The following RP1 variants were observed in gnomAD, a reference collection of about 807,000 sequenced individuals.
RP1 encodes RP1 axonemal microtubule associated.
RP1 carries 16 observed loss-of-function variants against 14.8 expected under a neutral mutation model. That is an observed-to-expected ratio of 1.08 (90% CI 0.73 to 1.65). The LOEUF (loss-of-function observed/expected upper bound fraction) is 1.65. RP1 is among the 40% of genes most tolerant of loss of function. The probability of loss-of-function intolerance (pLI) is 0.00; values close to 1 mark genes in which losing one functional copy is unlikely to be tolerated. For synonymous variants in RP1, 876 were observed against 883.6 expected (o/e 0.99, Z 0.15); for missense variants, 2,631 against 2,535.0 (o/e 1.04, Z -0.81).
intron 25 of RP1, among the ~76,000 whole-genome samples, chr8:54,844,229 C>T (rs1174755971): frequency 6.6e-6 from 1 of 152,154 alleles, no homozygotes; most frequent in Non-Finnish European, 1.5e-5. Context: ...CCCTTCATAC[C>T]ACCTTCTCTA....
intron 7 of RP1, among the ~76,000 whole-genome samples, chr8:54,671,030 A>G (rs896922914): frequency 5.3e-5 from 8 of 151,900 alleles, no homozygotes; most frequent in African/African-American, 1.5e-4. Context: ...TTGTAGGTCT[A>G]GTGGTAATGA....
At chr8:54,710,402 G>T (rs1015042354) in intron 15 of RP1, among the ~76,000 whole-genome samples, 1 of 152,168 alleles carries the variant, frequency 6.6e-6, no homozygotes, top group Non-Finnish European at 1.5e-5. Flanking sequence ...TCCCAGAAGG[G>T]GTGTGTTACA....
intron 22 of RP1, chr8:54,759,171 T>TGC: frequency 7.7e-7 from 1 of 1,292,472 alleles, no homozygotes; most frequent in South Asian, 1.7e-5. Context: ...TGTGTGTGTG[T>TGC]GTGTATCTTT....
At chr8:54,643,711 A>G (rs1806493109) in intron 3 of RP1, among the ~76,000 whole-genome samples, 1 of 152,140 alleles carries the variant, frequency 6.6e-6, no homozygotes, top group South Asian at 2.1e-4. Context: ...CTCTAGGGGA[A>G]GATCCTCCCT....
intron 17 of RP1, among the ~76,000 whole-genome samples, chr8:54,732,431 T>C (rs568900108): frequency 6.6e-6 from 1 of 152,330 alleles, no homozygotes; most frequent in South Asian, 2.1e-4. Flanking sequence ...GGTGAGACTC[T>C]CATTAGTTAT....
chr8:54,839,241 A>G (rs567196265), intron 25 of RP1, among the ~76,000 whole-genome samples: 9 of 152,312 alleles, frequency 5.9e-5, no homozygotes, highest in Admixed American at 5.2e-4. Flanking sequence ...AATTCTACAC[A>G]AAAGAATGAC....
chr8:54,687,728 G>A (rs979851088), intron 12 of RP1, among the ~76,000 whole-genome samples: 27 of 152,048 alleles, frequency 1.8e-4, no homozygotes, highest in South Asian at 2.1e-4. Flanking sequence ...CATTTGTGTC[G>A]GTTCCAAGAC....
At chr8:54,601,488 G>A (rs1178022392) in intron 1 of RP1, among the ~76,000 whole-genome samples, 2 of 151,392 alleles carry the variant, frequency 1.3e-5, no homozygotes, top group East Asian at 3.9e-4. Context: ...CGAGTTAGTG[G>A]GTGCAGCGCA....
chr8:54,844,238 T>C (rs1811861366), intron 25 of RP1, among the ~76,000 whole-genome samples: 1 of 152,230 alleles, frequency 6.6e-6, no homozygotes, highest in Non-Finnish European at 1.5e-5. Flanking sequence ...CCACCTTCTC[T>C]AAATTGAGGA....
At chr8:54,606,137 T>G (rs946084366) in intron 1 of RP1, among the ~76,000 whole-genome samples, 2 of 152,192 alleles carry the variant, frequency 1.3e-5, no homozygotes, top group Admixed American at 1.3e-4. Context: ...CTTCCTAACT[T>G]TGATGGTCCT....
At chr8:54,614,363 A>G (rs1002185952), upstream of RP1, among the ~76,000 whole-genome samples, 3 of 152,152 alleles carry the variant, frequency 2.0e-5, no homozygotes, top group Admixed American at 6.5e-5. Flanking sequence ...AACTCTGCCA[A>G]TGAGGCTTTT....
intron 26 of RP1, among the ~76,000 whole-genome samples, chr8:54,853,598 T>C (rs576632801): frequency 1.1e-4 from 16 of 152,220 alleles, no homozygotes; most frequent in Non-Finnish European, 1.9e-4. Context: ...GGCACTGAGG[T>C]GGCTAAGGCA....
intron 16 of RP1, chr8:54,726,195 A>C: frequency 1.2e-6 from 1 of 866,358 alleles, no homozygotes; most frequent in Non-Finnish European, 1.6e-6. Context: ...TTTTCTGTTA[A>C]CTATGTAATT....
intron 1 of RP1, among the ~76,000 whole-genome samples, chr8:54,606,579 A>C (rs558945727): frequency 7.2e-5 from 11 of 152,098 alleles, no homozygotes; most frequent in Admixed American, 3.9e-4. Flanking sequence ...CCTGAATTTG[A>C]ATATTGGCCT....
chr8:54,797,286 T>A (rs1416090135), intron 24 of RP1, among the ~76,000 whole-genome samples: 1 of 152,114 alleles, frequency 6.6e-6, no homozygotes, highest in African/African-American at 2.4e-5. Flanking sequence ...CACCTCTTCA[T>A]CATCTTTGAG....
intron 25 of RP1, among the ~76,000 whole-genome samples, chr8:54,839,134 A>G (rs1290897818): frequency 1.3e-5 from 2 of 152,074 alleles, no homozygotes; most frequent in Non-Finnish European, 2.9e-5. Context: ...TTTTCTCTTT[A>G]TATTACTGGC....
chr8:54,615,595 T>G (rs1458483134), upstream of RP1, among the ~76,000 whole-genome samples: 1 of 152,212 alleles, frequency 6.6e-6, no homozygotes. Flanking sequence ...CTGCTTCTGC[T>G]GTTTGTCCTG....
chr8:54,707,037 G>C (rs919743730), intron 15 of RP1, among the ~76,000 whole-genome samples: 3 of 152,218 alleles, frequency 2.0e-5, no homozygotes, highest in Admixed American at 2.0e-4. Context: ...CAGCTCAACA[G>C]TGTCTCCTTA....
At chr8:54,664,043 C>T (rs1806956743) in intron 7 of RP1, among the ~76,000 whole-genome samples, 1 of 152,140 alleles carries the variant, frequency 6.6e-6, no homozygotes, top group South Asian at 2.1e-4. Context: ...ATTAACAACT[C>T]CCCATTTCTC....
Sources: gnomAD v4.1 joint callset for allele counts (sites outside exome capture counted in the v4.1 genomes callset) on GRCh38, gnomAD v4.1.1 for gene constraint, MANE v1.5 for transcripts, NCBI Gene and HGNC (gene_info 2026-07-23, HGNC 2026-07-21) for gene names.